ZNF541: variants seen among roughly 807,000 people sequenced by gnomAD.
The protein encoded by ZNF541 is zinc finger protein 541.
In ZNF541, 23 loss-of-function variants were observed where a neutral mutation model predicts 123.5. The observed-to-expected ratio is 0.19, with a 90% CI of 0.13 to 0.26. ZNF541 has a LOEUF of 0.26. Among genes scored for constraint, ZNF541 ranks in the 10% least tolerant of loss-of-function variants. The pLI is 1.00. For missense variants in ZNF541, 1,612 were observed against 1,789.9 expected (o/e 0.90, Z 1.79); for synonymous variants, 751 against 754.5 (o/e 1.00, Z 0.08).
intron 14 of ZNF541, among the ~76,000 whole-genome samples, chr19:47,525,007 G>A (rs953515941): frequency 2.0e-5 from 3 of 152,076 alleles, no homozygotes; most frequent in African/African-American, 7.2e-5. Flanking sequence ...CTCCTTGGCT[G>A]GGTGCGGTGG....
intron 12 of ZNF541, among the ~76,000 whole-genome samples, chr19:47,530,016 T>A (rs1396955893): frequency 6.6e-6 from 1 of 152,078 alleles, no homozygotes; most frequent in African/African-American, 2.4e-5. Flanking sequence ...CACTAGTCAA[T>A]AGCTAACAAT....
chr19:47,552,424 G>T (rs889045133), intron 3 of ZNF541, among the ~76,000 whole-genome samples: 1 of 152,198 alleles, frequency 6.6e-6, no homozygotes, highest in East Asian at 1.9e-4. Context: ...TGTCCTCTGA[G>T]AAATTACTAT....
chr19:47,555,861 C>T lies in ZNF541; in HGVS notation c.-5G>A, dbSNP rs1174366829. The T allele has an allele frequency of 1.3e-6, 2 of 1,543,136 alleles. No individual in the cohort carries two copies. Among genetic ancestry groups the T allele is most frequent in the Admixed American group, 2.0e-5 (1 of 50,494 alleles). On this transcript the variant is annotated 5_prime_UTR_variant, in exon 3 of 17. Coordinates refer to ENST00000391901, the MANE Select transcript of ZNF541 (RefSeq NM_001277075.3). ...TCCAAGGCTGTACTGGTCCATGGCT[C>T]TCCACTGCCAGGTCTTGGCCAAAAG... is the stretch of plus-strand genomic sequence containing the variant.
At chr19:47,553,505 T>A (rs1007981805) in intron 3 of ZNF541, among the ~76,000 whole-genome samples, 2 of 150,888 alleles carry the variant, frequency 1.3e-5, no homozygotes, top group Non-Finnish European at 2.9e-5. Context: ...GACTCCCTGG[T>A]TCAAGCGATT....
intron 2 of ZNF541, among the ~76,000 whole-genome samples, chr19:47,567,616 C>G (rs991366579): frequency 6.6e-6 from 1 of 152,222 alleles, no homozygotes; most frequent in Admixed American, 6.5e-5. Flanking sequence ...TGGTGCAAAT[C>G]TAGGGATTTC....
intron 2 of ZNF541, among the ~76,000 whole-genome samples, 158 bp downstream of exon 2, chr19:47,571,738 T>C (rs181760853): frequency 1.1e-4 from 16 of 152,032 alleles, no homozygotes; most frequent in African/African-American, 2.9e-4. Context: ...ACATGCACAA[T>C]AAATAGCCCT....
In ZNF541 at chr19:47,544,347, T is replaced by A. The variant is rs1475113724; in HGVS notation, c.2182A>T (p.Ile728Phe). The change falls in exon 5 of 17, where the codon ATC becomes TTC. Residue 728 changes from isoleucine to phenylalanine, a missense_variant. Around this residue, in one of 5 missense-constraint regions of ZNF541, gnomAD observed 1,080 missense variants for 1,013.8 expected, o/e 1.07. Transcript: ENST00000391901. Reference sequence around the variant, plus strand: ...GCTGGGCCCTTTTCACCTTTTGTGATCCTTGAAGCCGCGCCATTCTCGGCT... The same window carrying A: ...GCTGGGCCCTTTTCACCTTTTGTGAACCTTGAAGCCGCGCCATTCTCGGCT... ...APAENGAASR[I>F]TKGEKGPACS... The A allele has an allele frequency of 1.3e-6, 2 of 1,551,616 alleles. No individual in the cohort carries two copies.
In ZNF541 at chr19:47,538,456, C is replaced by T; in HGVS notation, c.2797-17G>A. ...CTCTTGTCCCTGAAGAAGTTTAGAA[C>T]CACAGGTGGTCGCCTGAAGCCACCT... On this transcript the variant is annotated splice_polypyrimidine_tract_variant and intron_variant, in intron 8 of 16. Transcript: ENST00000391901. 6.8e-7 allele frequency: 1 copy of T among 1,475,382 alleles called. No homozygotes were observed. Among genetic ancestry groups the T allele is most frequent in the Non-Finnish European group, 9.0e-7 (1 of 1,109,706 alleles). 91.4% of individuals were successfully genotyped at this position (1,475,382 alleles called of 1,614,324 possible).
intron 2 of ZNF541, among the ~76,000 whole-genome samples, chr19:47,566,915 G>C (rs1038073330): frequency 1.3e-5 from 2 of 151,236 alleles, no homozygotes; most frequent in East Asian, 3.9e-4. Flanking sequence ...GCCAGGCGTG[G>C]TGGCGGGTGC....
At chr19:47,526,465 G>C (rs796162097) in intron 14 of ZNF541, among the ~76,000 whole-genome samples, 15 of 130,672 alleles carry the variant, frequency 1.1e-4, no homozygotes, top group African/African-American at 4.4e-4. Flanking sequence ...CTGGGCAACA[G>C]AGTGAGACTC....
Position 47,544,686 on chromosome 19 carries a change from G to A in ZNF541, c.1843C>T (p.Pro615Ser), listed in dbSNP as rs1970241210. ...GAGCCCTCTGCCTCGGGGTTTCCAG[G>A]GCCGGCGTGGAGAGAGTCCACAGCA... ...APAVDSLHAG[P>S]GNPEAEGSPA... The change falls in exon 5 of 17, where the codon CCT becomes TCT. Residue 615 changes from proline (P) to serine (S), a missense_variant. Around this residue, in one of 5 missense-constraint regions of ZNF541, gnomAD observed 1,080 missense variants for 1,013.8 expected, o/e 1.07. Coordinates refer to ENST00000391901, the MANE Select transcript of ZNF541 (RefSeq NM_001277075.3). 1 of 1,524,792 alleles carries A rather than the reference G, an allele frequency of 6.6e-7. No individual in the cohort carries two copies. The highest frequency in any genetic ancestry group is 8.8e-7 in the Non-Finnish European group (1 of 1,137,806). 94.5% of individuals were successfully genotyped at this position (1,524,792 alleles called of 1,614,324 possible).
intron 2 of ZNF541, among the ~76,000 whole-genome samples, chr19:47,565,268 T>C (rs1413097665): frequency 6.6e-6 from 1 of 151,878 alleles, no homozygotes; most frequent in Non-Finnish European, 1.5e-5. Flanking sequence ...AACTTACTCA[T>C]ATAACCGAGT....
chr19:47,563,172 C>T (rs954726259), intron 2 of ZNF541, among the ~76,000 whole-genome samples: 5 of 152,180 alleles, frequency 3.3e-5, no homozygotes, highest in African/African-American at 1.2e-4. Context: ...AAGTCACATA[C>T]AGGTACGTAA....
intron 4 of ZNF541, 45 bp downstream of exon 4, chr19:47,549,200 C>T: frequency 6.5e-7 from 1 of 1,548,300 alleles, no homozygotes. Flanking sequence ...ATGTCCCCAC[C>T]CCCAGCCCCT....
chr19:47,568,437 G>C (rs541181553), intron 2 of ZNF541, among the ~76,000 whole-genome samples: 1 of 151,778 alleles, frequency 6.6e-6, no homozygotes, highest in Non-Finnish European at 1.5e-5. Flanking sequence ...TCCACCTCGC[G>C]GATTCAAGCG....
intron 4 of ZNF541, 104 bp downstream of exon 4, chr19:47,549,141 G>A: frequency 6.7e-7 from 1 of 1,482,530 alleles, no homozygotes; most frequent in Non-Finnish European, 9.0e-7. Context: ...ACCCAACAGA[G>A]GACGAGACAG....
At chr19:47,524,939 C>G (rs1457458086) in intron 14 of ZNF541, among the ~76,000 whole-genome samples, 2 of 151,984 alleles carry the variant, frequency 1.3e-5, no homozygotes, top group Non-Finnish European at 2.9e-5. Flanking sequence ...AAAGATGATG[C>G]ATAGAGACAC....
intron 5 of ZNF541, among the ~76,000 whole-genome samples, chr19:47,542,004 CAAAT>C (rs1970099089): frequency 6.6e-6 from 1 of 152,148 alleles, no homozygotes; most frequent in Non-Finnish European, 1.5e-5. Context: ...GATGAACAGA[CAAAT>C]AAAACGCGGC....
At chr19:47,550,655 C>T (rs905633845) in intron 3 of ZNF541, among the ~76,000 whole-genome samples, 4 of 152,118 alleles carry the variant, frequency 2.6e-5, no homozygotes, top group Admixed American at 2.6e-4. Context: ...TCTGAAGGGC[C>T]AGTGTATACA....
Sources: allele counts gnomAD v4.1 joint callset (sites outside exome capture counted in the v4.1 genomes callset), GRCh38; gene constraint gnomAD v4.1.1; regional missense constraint gnomAD v4.1.1; transcripts MANE v1.5; gene names NCBI Gene and HGNC (gene_info 2026-07-23, HGNC 2026-07-21).